The following LAMB1 variants were observed in gnomAD, a reference collection of about 807,000 sequenced individuals.
The protein encoded by LAMB1 is laminin subunit beta-1.
Under a neutral mutation model 222.3 loss-of-function variants are expected in LAMB1, and 121 were observed. The observed-to-expected ratio is 0.54, with a 90% CI of 0.47 to 0.63. LAMB1 has a LOEUF of 0.63. Ranked by LOEUF, LAMB1 falls within the 30% of genes least tolerant of loss-of-function variation. LAMB1 has a pLI of 0.00. For missense variants in LAMB1, 2,172 were observed against 2,240.8 expected (o/e 0.97, Z 0.62); for synonymous variants, 794 against 807.2 (o/e 0.98, Z 0.28).
intron 8 of LAMB1, among the ~76,000 whole-genome samples, chr7:107,979,835 A>G (rs988690127): frequency 7.2e-5 from 11 of 152,210 alleles, no homozygotes; most frequent in Non-Finnish European, 1.3e-4. Flanking sequence ...GCACTTTGGG[A>G]GGCAGAGGTG....
At chr7:107,982,475 G>A (rs1289681099) in intron 7 of LAMB1, among the ~76,000 whole-genome samples, 1 of 152,152 alleles carries the variant, frequency 6.6e-6, no homozygotes, top group Non-Finnish European at 1.5e-5. Flanking sequence ...TTAAACTTAG[G>A]TTCTTTGTAA....
At chr7:107,980,551 AC>A (rs2033951675) in intron 8 of LAMB1, 57 bp downstream of exon 8, 1 of 1,373,114 alleles carries the variant, frequency 7.3e-7, no homozygotes, top group African/African-American at 1.4e-5. Flanking sequence ...GACTAGCTTC[AC>A]TTTGCATTTT....
In LAMB1 at chr7:107,986,185, G is replaced by C. The variant is rs1245076272; in HGVS notation, c.602C>G (p.Thr201Ser). The change falls in exon 6 of 34, where the codon ACT (threonine) becomes AGT (serine). Residue 201 changes from threonine to serine, a missense_variant. Thr to Ser is a moderately conservative substitution (Grantham distance 58, BLOSUM62 1). Transcript: ENST00000222399. ...CAGAAGCAAACAAACCTCTCCTTCA[G>C]TTGAGGGTTCAATGTCAGAATATCG... is the stretch of plus-strand genomic sequence containing the variant. Reference protein sequence around the residue: ...DSRYSDIEPSTEGEVIFRALD... With the variant: ...DSRYSDIEPSSEGEVIFRALD... 24 of 1,613,830 alleles carry C rather than the reference G, an allele frequency of 1.5e-5. No individual in the cohort carries two copies. Among genetic ancestry groups the C allele is most frequent in the Non-Finnish European group, 2.0e-5 (24 of 1,179,828 alleles).
chr7:107,938,509 A>G (rs1436113440), intron 25 of LAMB1, among the ~76,000 whole-genome samples: 1 of 152,212 alleles, frequency 6.6e-6, no homozygotes, highest in African/African-American at 2.4e-5. Flanking sequence ...TGTTGAAAAA[A>G]AAGAGTAATG....
chr7:107,972,915 C>G, intron 13 of LAMB1, 77 bp downstream of exon 13: 1 of 1,139,936 alleles, frequency 8.8e-7, no homozygotes, highest in East Asian at 2.3e-5. Flanking sequence ...TGAGAAACAA[C>G]TGAATGTCAC....
At chr7:107,963,276 T>C (rs942808724) in intron 14 of LAMB1, among the ~76,000 whole-genome samples, 1 of 152,220 alleles carries the variant, frequency 6.6e-6, no homozygotes, top group African/African-American at 2.4e-5. Context: ...TGGAGCAGTC[T>C]TGGGACACTG....
chr7:107,955,106 T>TC (rs2033346833), intron 21 of LAMB1, among the ~76,000 whole-genome samples: 1 of 152,216 alleles, frequency 6.6e-6, no homozygotes, highest in African/African-American at 2.4e-5. Context: ...TTCTTCTGAC[T>TC]ACTATTTGGT....
chr7:107,961,172 TTCCTGC>T (rs1465389909), intron 17 of LAMB1, 28 bp downstream of exon 17: 2 of 1,613,556 alleles, frequency 1.2e-6, no homozygotes, highest in South Asian at 2.2e-5. Context: ...CGCCCAGGCT[TTCCTGC>T]ATATGCCAGA....
At chr7:107,978,961 C>T (rs539758061) in intron 8 of LAMB1, among the ~76,000 whole-genome samples, 1 of 152,178 alleles carries the variant, frequency 6.6e-6, no homozygotes, top group African/African-American at 2.4e-5. Context: ...AATTCAGGAA[C>T]AGGACAGACA....
At chr7:107,981,946 CT>C (rs960652165) in intron 7 of LAMB1, among the ~76,000 whole-genome samples, 6 of 152,202 alleles carry the variant, frequency 3.9e-5, no homozygotes, top group Non-Finnish European at 5.9e-5. Context: ...TGGTCCACAA[CT>C]TTTTTGTCCC....
chr7:107,949,986 C>T (rs2116388519), intron 24 of LAMB1, among the ~76,000 whole-genome samples: 1 of 152,296 alleles, frequency 6.6e-6, no homozygotes, highest in East Asian at 1.9e-4. Flanking sequence ...AATTCTAGAA[C>T]TTTGGGAGGC....
At chr7:107,925,595 A>G (rs1358769637) in intron 32 of LAMB1, among the ~76,000 whole-genome samples, 1 of 152,206 alleles carries the variant, frequency 6.6e-6, no homozygotes, top group Non-Finnish European at 1.5e-5. Flanking sequence ...CTCTTTAGAA[A>G]TAAGCATTAT....
Position 107,980,747 on chromosome 7 carries a change from A to T in LAMB1, c.741T>A (p.Leu247=), listed in dbSNP as rs2033956100. 1 of 1,613,426 alleles carries T rather than the reference A, an allele frequency of 6.2e-7. No individual in the cohort carries two copies. The highest frequency in any genetic ancestry group is 1.7e-5 in the Admixed American group (1 of 60,006). ...FVKLHTLGDN[L]LDSRMEIREK... is the part of the protein sequence containing the mutation. ...CTCTGATTTCCATCCTGGAATCCAG[A>T]AGGTTATCTCCCAAAGTATGCAGTT... Residue 247 remains leucine, a synonymous_variant, in exon 8 of 34, where the codon CTT becomes CTA. Coordinates refer to ENST00000222399, the MANE Select transcript of LAMB1 (RefSeq NM_002291.3).
chr7:107,937,037 G>T, intron 26 of LAMB1, 56 bp downstream of exon 26: 2 of 1,434,324 alleles, frequency 1.4e-6, no homozygotes, highest in Admixed American at 1.9e-5. Context: ...ATATTAAAAC[G>T]TTAGACATAT....
chr7:107,949,021 G>A (rs2237693), intron 24 of LAMB1, among the ~76,000 whole-genome samples: 2 of 152,156 alleles, frequency 1.3e-5, no homozygotes, highest in East Asian at 1.9e-4. Flanking sequence ...GTTTTTTATC[G>A]GTTGTTTGCT....
chr7:107,932,089 G>T, intron 28 of LAMB1, 85 bp downstream of exon 28: 1 of 1,204,012 alleles, frequency 8.3e-7, no homozygotes, highest in Non-Finnish European at 1.2e-6. Flanking sequence ...TTAGCATTTA[G>T]AATTGATTTC....
intron 32 of LAMB1, 115 bp downstream of exon 32, chr7:107,926,068 T>G (rs948471040): frequency 6.7e-6 from 5 of 750,628 alleles, no homozygotes; most frequent in Non-Finnish European, 8.9e-6. Flanking sequence ...GGTCATTTGA[T>G]ATTTCTGATG....
chr7:107,969,656 T>C (rs1480295975), intron 13 of LAMB1, among the ~76,000 whole-genome samples: 1 of 152,228 alleles, frequency 6.6e-6, no homozygotes, highest in African/African-American at 2.4e-5. Context: ...CATAGTGTAC[T>C]TACACAAACC....
At chr7:107,929,706 C>T in intron 29 of LAMB1, 87 bp from the exon 30 acceptor site, 1 of 1,050,676 alleles carries the variant, frequency 9.5e-7, no homozygotes, top group South Asian at 1.4e-5. Flanking sequence ...CTACTATGGA[C>T]TAGCATGGTG....
Sources: gnomAD v4.1 joint callset for allele counts (sites outside exome capture counted in the v4.1 genomes callset) on GRCh38, gnomAD v4.1.1 for gene constraint, MANE v1.5 for transcripts, NCBI Gene and HGNC (gene_info 2026-07-23, HGNC 2026-07-21) for gene names.